Variants in ADAMTS20 observed in about 807,000 individuals in gnomAD.
The protein encoded by ADAMTS20 is ADAM metallopeptidase with thrombospondin type 1 motif 20, also known as A disintegrin and metalloproteinase with thrombospondin motifs 20.
A neutral mutation model predicts 260.1 loss-of-function variants in ADAMTS20; 225 were observed. That is an observed-to-expected ratio of 0.87 (90% CI 0.78 to 0.97). The LOEUF (loss-of-function observed/expected upper bound fraction) is 0.97, where lower values mean the gene tolerates loss of function less well. Among genes scored for constraint, ADAMTS20 ranks in the 50% least tolerant of loss-of-function variants. ADAMTS20 has a pLI of 0.00. For missense variants in ADAMTS20, 2,400 were observed against 2,337.7 expected (o/e 1.03, Z -0.55); for synonymous variants, 802 against 769.5 (o/e 1.04, Z -0.70).
intron 15 of ADAMTS20, among the ~76,000 whole-genome samples, 188 bp downstream of exon 15, chr12:43,446,407 C>A (rs1941761185): frequency 6.6e-6 from 1 of 152,100 alleles, no homozygotes; most frequent in Non-Finnish European, 1.5e-5. Flanking sequence ...ATTCATTAAT[C>A]AAGGATACAT....
At position 43,551,755 on chromosome 12, in the gene ADAMTS20, G is replaced by A. The variant is rs1391388975; in HGVS notation, c.91+76C>T. On this transcript the variant is annotated intron_variant, in intron 1 of 38. Transcript: ENST00000389420. This position sits in a 1 kb window ranked among gnomAD's most constrained non-coding sequence, Gnocchi z 4.6. ...CGTTCCCCAACGGGCTGAGCCGCTC[G>A]TCCCCGCGACCTGCATGTCCCACTC... is the stretch of plus-strand genomic sequence containing the variant. 1.6e-5 allele frequency: 24 copies of A among 1,464,874 alleles called. No individual in the cohort carries two copies. The highest frequency in any genetic ancestry group is 2.3e-5 in the Non-Finnish European group (24 of 1,053,270). The allele number at this position is 1,464,874 out of a possible 1,614,324, so 90.7% of individuals were successfully genotyped here. A position where few individuals can be genotyped will look rare whatever the true frequency, so the allele number is the denominator to read the frequency against.
At chr12:43,432,920 C>T (rs1175482467) in intron 19 of ADAMTS20, 109 bp from the exon 20 acceptor site, 1 of 1,008,602 alleles carries the variant, frequency 9.9e-7, no homozygotes, top group Non-Finnish European at 1.5e-6. Flanking sequence ...GATAGACAAA[C>T]CACCAAAAAA....
chr12:43,434,193 A>C lies in ADAMTS20; in HGVS notation c.2720+52T>G, dbSNP rs540333702. On this transcript the variant is annotated intron_variant, in intron 19 of 38. Transcript: ENST00000389420. ...TGTCAGTCACTGTGTTAGACATTTTAATCTTAGCTCACTTATTAATCTGGT... is the reference window on the plus strand; with the variant it reads ...TGTCAGTCACTGTGTTAGACATTTTCATCTTAGCTCACTTATTAATCTGGT... 2.2e-4 allele frequency: 332 copies of C among 1,506,836 alleles called. 1 individual carries two copies. In the African/African-American group the frequency reaches 4.2e-3, roughly 19 times the overall value. The allele number at this position is 1,506,836 out of a possible 1,614,324, so 93.3% of individuals were successfully genotyped here. A position where few individuals can be genotyped will look rare whatever the true frequency, so the allele number is the denominator to read the frequency against.
In ADAMTS20 at chr12:43,439,777, CAATT is replaced by C. The variant is rs1565549729; in HGVS notation, c.2464-30_2464-27del. 10 of 1,584,298 alleles carry C rather than the reference CAATT, an allele frequency of 6.3e-6. No individual in the cohort carries two copies. In the East Asian group the frequency reaches 1.8e-4, roughly 29 times the overall value. On this transcript the variant is annotated intron_variant, in intron 17 of 38. Transcript: ENST00000389420. ...CTCAATAAGAATATAAAAGAACATA[CAATT>C]AATACATAAAAATATATTCTTGACA...
In ADAMTS20 at chr12:43,443,883, C is replaced by A. The variant is rs761222410; in HGVS notation, c.2198G>T (p.Gly733Val). The A allele has an allele frequency of 2.5e-6, 4 of 1,611,316 alleles. No homozygotes were observed. The highest frequency in any genetic ancestry group is 3.4e-6 in the Non-Finnish European group (4 of 1,177,868). Residue 733 changes from glycine (G) to valine (V), a missense_variant and splice_region_variant, in exon 16 of 39, where the codon GGT (glycine) becomes GTT (valine). Physicochemically the swap from Gly to Val is moderately radical, Grantham distance 109 (BLOSUM62 -3). Transcript: ENST00000389420. ...ITGVFNSSHY[G>V]YNVVVKIPAG... ...GGGAATCTTTACAACAACATTATAA[C>A]CTGCAATATAATTTTACATATGTTA...
chr12:43,403,549 C>T (rs986372756), intron 28 of ADAMTS20, among the ~76,000 whole-genome samples: 5 of 151,978 alleles, frequency 3.3e-5, no homozygotes, highest in African/African-American at 9.7e-5. Context: ...ATAAACTGTG[C>T]CCTTTATAGA....
chr12:43,457,391 G>C (rs192970664), intron 11 of ADAMTS20, among the ~76,000 whole-genome samples: 1 of 152,122 alleles, frequency 6.6e-6, no homozygotes, highest in Non-Finnish European at 1.5e-5. Flanking sequence ...ATGTTGGAAT[G>C]TCTCTCCAGG....
chr12:43,551,160 A>T lies in ADAMTS20; in HGVS notation c.202T>A (p.Ser68Thr). 6.2e-7 allele frequency: 1 copy of T among 1,613,840 alleles called. No individual in the cohort carries two copies. Among genetic ancestry groups the T allele is most frequent in the Non-Finnish European group, 8.5e-7 (1 of 1,179,858 alleles). ...AACGGCATGGGTTCCAGCGCCTCGG[A>T]GCTGCGTTTCTGCCGGCTGAAGTGG... The part of the protein sequence containing the change: ...SHHFSRQKRS[S>T]EALEPMPFRT... Residue 68 changes from serine (S) to threonine (T), a missense_variant, in exon 2 of 39, where the codon TCC becomes ACC. Physicochemically the swap from Ser to Thr is moderately conservative, Grantham distance 58 (BLOSUM62 1). Coordinates refer to ENST00000389420, the MANE Select transcript of ADAMTS20 (RefSeq NM_025003.5). The surrounding 1 kb of genome is among the most constrained non-coding windows in gnomAD (Gnocchi z 4.6).
chr12:43,507,529 T>G (rs1273321593), intron 3 of ADAMTS20, among the ~76,000 whole-genome samples: 1 of 152,206 alleles, frequency 6.6e-6, no homozygotes, highest in African/African-American at 2.4e-5. Context: ...CCTGTTAATA[T>G]CGCACTGCCT....
intron 11 of ADAMTS20, among the ~76,000 whole-genome samples, chr12:43,456,472 T>C (rs1240484047): frequency 2.6e-5 from 4 of 152,162 alleles, no homozygotes; most frequent in Non-Finnish European, 5.9e-5. Flanking sequence ...TATTCTCTCA[T>C]AACCCCGCCC....
intron 28 of ADAMTS20, among the ~76,000 whole-genome samples, chr12:43,421,699 T>C (rs1241440489): frequency 6.6e-6 from 1 of 152,124 alleles, no homozygotes; most frequent in Non-Finnish European, 1.5e-5. Flanking sequence ...TTGTTTATAA[T>C]ATATAAAGAG....
chr12:43,474,262 A>T (rs1942313695), intron 7 of ADAMTS20, among the ~76,000 whole-genome samples: 1 of 137,050 alleles, frequency 7.3e-6, no homozygotes, highest in Non-Finnish European at 1.6e-5. Flanking sequence ...ATTCCTCGAC[A>T]CATACACTCT....
intron 3 of ADAMTS20, among the ~76,000 whole-genome samples, chr12:43,503,144 G>GA (rs11318240): frequency 4.6e-5 from 7 of 151,834 alleles, no homozygotes; most frequent in Non-Finnish European, 8.8e-5. Context: ...TGCCCTAATG[G>GA]AAAAAAAAAT....
chr12:43,424,944 C>A (rs1941302563), intron 28 of ADAMTS20, among the ~76,000 whole-genome samples: 1 of 151,774 alleles, frequency 6.6e-6, no homozygotes. Context: ...TAAAAAGAAA[C>A]TGGAGAAGAC....
At chr12:43,443,938 T>C (rs1168010242) in intron 15 of ADAMTS20, 55 bp from the exon 16 acceptor site, 2 of 1,391,048 alleles carry the variant, frequency 1.4e-6, no homozygotes, top group African/African-American at 2.8e-5. Context: ...GGCCCAGAGG[T>C]TATTACTGCT....
chr12:43,356,565 T>A lies in ADAMTS20; in HGVS notation c.5562A>T (p.Ser1854=). ...CPQGQFSINL[S]GTGMKISSTA... ...TGCTGGATATCTTCATCCCAGTTCC[T>A]GACAAATTAATGCTAAACTGTCCCT... The change falls in exon 38 of 39, where the codon TCA becomes TCT. Residue 1854 remains serine (S), a synonymous_variant. Transcript: ENST00000389420. 1 of 1,611,602 alleles carries A rather than the reference T, an allele frequency of 6.2e-7. No homozygotes were observed. Among genetic ancestry groups the A allele is most frequent in the Non-Finnish European group, 8.5e-7 (1 of 1,178,708 alleles).
intron 2 of ADAMTS20, among the ~76,000 whole-genome samples, chr12:43,545,530 A>G (rs1328178614): frequency 6.6e-6 from 1 of 152,192 alleles, no homozygotes; most frequent in East Asian, 1.9e-4. Context: ...AAGTTTACAC[A>G]GCACTTTTTA....
chr12:43,432,645 C>T lies in ADAMTS20; in HGVS notation c.2887G>A (p.Gly963Ser). Residue 963 changes from glycine (G) to serine (S), a missense_variant, in exon 20 of 39, where the codon GGT (glycine) becomes AGT (serine). Physicochemically the swap from Gly to Ser is moderately conservative, Grantham distance 56. Coordinates refer to ENST00000389420, the MANE Select transcript of ADAMTS20 (RefSeq NM_025003.5). ...TGCCATCTTGTGAAGACACAGTTAC[C>T]ATGGCATAGTTCTTGGGTAGGAGGT... ...LKPPTQELCHGNCVFTRWHYS... is the reference protein window; with the variant it reads ...LKPPTQELCHSNCVFTRWHYS... The T allele has an allele frequency of 6.2e-7, 1 of 1,613,830 alleles. No individual in the cohort carries two copies. The highest frequency in any genetic ancestry group is 8.5e-7 in the Non-Finnish European group (1 of 1,179,846).
At position 43,394,515 on chromosome 12, in the gene ADAMTS20, C is replaced by A. The variant is rs1000006846; in HGVS notation, c.4452+4551G>T. ...TATCCTCAGTTATTTACCCTTTAAC[C>A]TGTAAAATCTATATATATAATATTT... On this transcript the variant is annotated intron_variant, in intron 29 of 38. Transcript: ENST00000389420. Among the ~76,000 whole-genome samples, 50 of 151,988 alleles carry A rather than the reference C, an allele frequency of 3.3e-4. 1 individual carries two copies. Among genetic ancestry groups the A allele is most frequent in the Non-Finnish European group, 1.0e-4 (7 of 67,958 alleles).
Sources: gnomAD v4.1 joint callset for allele counts (sites outside exome capture counted in the v4.1 genomes callset) on GRCh38, gnomAD v4.1.1 for gene constraint, Gnocchi (gnomAD v3.1) non-coding constraint, MANE v1.5 for transcripts, NCBI Gene and HGNC (gene_info 2026-07-23, HGNC 2026-07-21) for gene names.